Variants in GBP4 observed in about 807,000 individuals in gnomAD.
The protein encoded by GBP4 is guanylate binding protein 4.
GBP4 carries 69 observed loss-of-function variants against 62.2 expected under a neutral mutation model. The observed-to-expected ratio is 1.11, with a 90% CI of 0.91 to 1.36. The LOEUF (loss-of-function observed/expected upper bound fraction) is 1.36, where lower values mean the gene tolerates loss of function less well. GBP4 is among the 40% of genes most tolerant of loss of function. GBP4 has a pLI of 0.00. For synonymous variants in GBP4, 278 were observed against 274.6 expected (o/e 1.01, Z -0.12); for missense variants, 697 against 759.3 (o/e 0.92, Z 0.96).
chr1:89,195,806 T>A (rs543047676), intron 2 of GBP4, among the ~76,000 whole-genome samples: 176 of 150,508 alleles, frequency 1.2e-3, no homozygotes, highest in African/African-American at 3.9e-3. Context: ...AAAAATAATT[T>A]AAAAAAAAAG....
chr1:89,198,691 G>A lies in GBP4; in HGVS notation c.40+104C>T, dbSNP rs139840444. On this transcript the variant is annotated intron_variant, in intron 1 of 10. Transcript: ENST00000355754. Reference sequence around the variant, plus strand: ...TCCACTGCCTTTGTCACCCGCCAGTGTGAAGTCTCCAACCCTCCCCGTGTG... The same window carrying A: ...TCCACTGCCTTTGTCACCCGCCAGTATGAAGTCTCCAACCCTCCCCGTGTG... 2,198 of 985,718 alleles carry A rather than the reference G, an allele frequency of 2.2e-3. 5 individuals are homozygous for A. Among genetic ancestry groups the A allele is most frequent in the Non-Finnish European group, 2.9e-3 (1,750 of 612,652 alleles). The allele number at this position is 985,718 out of a possible 1,614,324, so 61.1% of individuals were successfully genotyped here. A position where few individuals can be genotyped will look rare whatever the true frequency, so the allele number is the denominator to read the frequency against.
At position 89,190,196 on chromosome 1, in the gene GBP4, C is replaced by T. The variant is rs574103174; in HGVS notation, c.1039G>A (p.Asp347Asn). The change falls in exon 7 of 11, where the codon GAC becomes AAC. Residue 347 changes from aspartate to asparagine, a missense_variant. By Grantham distance (23) the Asp-to-Asn change is conservative. Around this residue, in one of 2 missense-constraint regions of GBP4, gnomAD observed 556 missense variants for 562.7 expected, o/e 0.99. Transcript: ENST00000355754. ...ENPAAVQRAA[D>N]HYSQQMAQQL... ...TGGGCCATCTGCTGGCTATAGTGGTCGGCTGCCCTCTGCACAGCCGCTGGG... is the reference window on the plus strand; with the variant it reads ...TGGGCCATCTGCTGGCTATAGTGGTTGGCTGCCCTCTGCACAGCCGCTGGG... 1.8e-4 allele frequency: 293 copies of T among 1,614,120 alleles called. 4 individuals carry two copies. The South Asian group carries it at 2.8e-3, about 15-fold the overall frequency.
rs1252436038 is a variant in GBP4 at position 89,182,167 on chromosome 1, G to C, written c.*3087C>G. The stretch of plus-strand genomic sequence containing the variant: ...ATTACAAGGAGTTCATTCTGTAGCA[G>C]GATGAGCTGCAGACAAAACTTCTCA... On this transcript the variant is annotated 3_prime_UTR_variant, in exon 11 of 11. Coordinates refer to ENST00000355754, the MANE Select transcript of GBP4 (RefSeq NM_052941.5). 2 of 152,178 alleles carry C rather than the reference G, an allele frequency of 1.3e-5. 1 individual carries two copies. The highest frequency in any genetic ancestry group is 1.3e-4 in the Admixed American group (2 of 15,274). 9.4% of individuals were successfully genotyped at this position (152,178 alleles called of 1,614,324 possible). A position where few individuals can be genotyped will look rare whatever the true frequency, so the allele number is the denominator to read the frequency against.
At chr1:89,197,824 A>G (rs1648387938) in intron 1 of GBP4, among the ~76,000 whole-genome samples, 1 of 152,194 alleles carries the variant, frequency 6.6e-6, no homozygotes, top group African/African-American at 2.4e-5. Flanking sequence ...CAAGCAAGGA[A>G]CATAATTGAT....
rs933330249 is a variant in GBP4 at position 89,197,170 on chromosome 1, C to T, written c.175G>A (p.Val59Ile). 1.9e-6 allele frequency: 3 copies of T among 1,614,028 alleles called. No individual in the cohort carries two copies. Among genetic ancestry groups the T allele is most frequent in the African/African-American group, 2.7e-5 (2 of 74,928 alleles). Residue 59 changes from valine to isoleucine, a missense_variant, in exon 2 of 11, where the codon GTA becomes ATA. Val to Ile is a conservative substitution (Grantham distance 29, BLOSUM62 3). Transcript: ENST00000355754. ...GATTTTCCTGTGCGGTATAGCCCTA[C>T]AATGGCCACCACCACCACGGGCTGA... ...ISQPVVVVAI[V>I]GLYRTGKSYL...
At chr1:89,187,735 T>C (rs750359958) in intron 8 of GBP4, among the ~76,000 whole-genome samples, 7 of 152,232 alleles carry the variant, frequency 4.6e-5, no homozygotes, top group Admixed American at 6.5e-5. Context: ...TGTGAAAGCA[T>C]GGTCAACATC....
intron 1 of GBP4, 59 bp downstream of exon 1, chr1:89,198,736 T>G: frequency 2.1e-6 from 3 of 1,433,742 alleles, no homozygotes; most frequent in Non-Finnish European, 3.0e-6. Flanking sequence ...CTTGGGAATT[T>G]GTTGTTGTTT....
chr1:89,185,410 C>G lies in GBP4; in HGVS notation c.1767G>C (p.Glu589Asp). The change falls in exon 11 of 11, where the codon GAG becomes GAC. Residue 589 changes from glutamate (E) to aspartate (D), a missense_variant. Glu to Asp is a conservative substitution (Grantham distance 45). Coordinates refer to ENST00000355754, the MANE Select transcript of GBP4 (RefSeq NM_052941.5). The stretch of plus-strand genomic sequence containing the variant: ...CAATTTTTTCTTTCAGTTGATTAAT[C>G]TCTTTATTTAACTGCTCAGATTTCT... ...FQKKSEQLNK[E>D]INQLKEKIES... is the part of the protein sequence containing the mutation. 6.3e-7 allele frequency: 1 copy of G among 1,583,132 alleles called. No individual in the cohort carries two copies.
rs370922854 is a variant in GBP4, at chr1:89,191,289, C to T, written c.888G>A (p.Leu296=). The stretch of plus-strand genomic sequence containing the variant: ...TTCCAGTGACAATGATTCCCTCTCT[C>T]AGGGTCTTGGTCTTTGCATGGGTGA... The part of the protein sequence containing the change: ...YIFTHAKTKT[L]REGIIVTGKR... Residue 296 remains leucine, a synonymous_variant, in exon 6 of 11, where the codon CTG becomes CTA. Transcript: ENST00000355754. 2.9e-5 allele frequency: 46 copies of T among 1,613,594 alleles called. No individual in the cohort carries two copies. Among genetic ancestry groups the T allele is most frequent in the African/African-American group, 4.0e-5 (3 of 74,906 alleles).
intron 7 of GBP4, 134 bp from the exon 8 acceptor site, chr1:89,188,928 A>T (rs1451755022): frequency 3.2e-6 from 3 of 925,560 alleles, no homozygotes; most frequent in Non-Finnish European, 4.9e-6. Context: ...AGTCACAAGA[A>T]TGATTTTGTT....
At position 89,188,713 on chromosome 1, in the gene GBP4, G is replaced by A. The variant is rs750852631; in HGVS notation, c.1279C>T (p.Arg427Trp). 14 of 1,614,214 alleles carry A rather than the reference G, an allele frequency of 8.7e-6. No homozygotes were observed. In the South Asian group the frequency reaches 8.8e-5, roughly 10 times the overall value. ...SAKYCQAELKRLSEHLTESIL... is the reference protein window; with the variant it reads ...SAKYCQAELKWLSEHLTESIL... ...CTTTCTGTCAGGTGCTCTGAAAGCC[G>A]CTTAAGCTCAGCCTGGCAATATTTG... is the stretch of plus-strand genomic sequence containing the variant. Residue 427 changes from arginine (R) to tryptophan (W), a missense_variant, in exon 8 of 11, where the codon CGG becomes TGG. Coordinates refer to ENST00000355754, the MANE Select transcript of GBP4 (RefSeq NM_052941.5).
At chr1:89,189,954 G>A (rs1648135620) in intron 7 of GBP4, 84 bp downstream of exon 7, 6 of 1,316,744 alleles carry the variant, frequency 4.6e-6, no homozygotes, top group Non-Finnish European at 6.4e-6. Context: ...CAGTGGTAAG[G>A]AGATGAACCA....
rs142144334 is a variant in GBP4 at position 89,186,854 on chromosome 1, T to C, written c.1513+146A>G. 1.1e-3 allele frequency: 815 copies of C among 726,876 alleles called. 4 individuals carry two copies. The African/African-American group carries it at 0.013, about 11-fold the overall frequency. 45.0% of individuals were successfully genotyped at this position (726,876 alleles called of 1,614,324 possible). On this transcript the variant is annotated intron_variant, in intron 9 of 10. Transcript: ENST00000355754. ...TTAACTATAGTCGCTGTGCTGTACA[T>C]TTGGTATCCAGAACTTATTAATATT... is the stretch of plus-strand genomic sequence containing the variant.
rs1260789415 is a variant in GBP4 at position 89,182,382 on chromosome 1, G to A, written c.*2872C>T. On this transcript the variant is annotated 3_prime_UTR_variant, in exon 11 of 11. Transcript: ENST00000355754. ...TACATGACAGGGGCTGCATGCACTG[G>A]TGGTCAGAGAGAAACAGAACAAGGC... 6.6e-6 allele frequency: 1 copy of A among 152,178 alleles called. No homozygotes were observed. Among genetic ancestry groups the A allele is most frequent in the African/African-American group, 2.4e-5 (1 of 41,436 alleles). The allele number at this position is 152,178 out of a possible 1,614,324, so 9.4% of individuals were successfully genotyped here.
chr1:89,193,091 A>C lies in GBP4; in HGVS notation c.483T>G (p.Thr161=), dbSNP rs1648232893. ...HQALEQLHYV[T]ELAELIRAKS... ...TTGCCCTGATTAGCTCTGCTAGCTC[A>C]GTCACATAGCTGGGATCTCAGCTAA... Residue 161 remains threonine, a synonymous_variant, in exon 5 of 11, where the codon ACT becomes ACG. Coordinates refer to ENST00000355754, the MANE Select transcript of GBP4 (RefSeq NM_052941.5). The C allele has an allele frequency of 1.2e-6, 2 of 1,613,906 alleles. No homozygotes were observed. Among genetic ancestry groups the C allele is most frequent in the Admixed American group, 1.7e-5 (1 of 59,990 alleles).
Position 89,195,373 on chromosome 1 carries a change from C to T in GBP4, c.287G>A (p.Trp96Ter), listed in dbSNP as rs774636633. The change falls in exon 3 of 11, where the codon TGG becomes TAG. Residue 96 changes from tryptophan to a stop codon, truncating the protein, a stop_gained. Coordinates refer to ENST00000355754, the MANE Select transcript of GBP4 (RefSeq NM_052941.5). LOFTEE classifies it high-confidence loss of function. ...VQSETKGIWM[W>*]CVPHLSKPNH... ...TGGCTTAGAGAGGTGGGGCACACAC[C>T]ACATCCAGATGCCCTTAGTTTCAGA... The T allele has an allele frequency of 6.2e-7, 1 of 1,614,014 alleles. No individual in the cohort carries two copies. Among genetic ancestry groups the T allele is most frequent in the Non-Finnish European group, 8.5e-7 (1 of 1,179,932 alleles).
At chr1:89,197,404 G>A in intron 1 of GBP4, 100 bp from the exon 2 acceptor site, 3 of 845,604 alleles carry the variant, frequency 3.5e-6, no homozygotes, top group Non-Finnish European at 5.3e-6. Context: ...CTTGTGGAAT[G>A]GTATATAAAA....
In GBP4 at chr1:89,186,509, C is replaced by T. The variant is rs775161494; in HGVS notation, c.1531G>A (p.Glu511Lys). Residue 511 changes from glutamate to lysine, a missense_variant, in exon 10 of 11, where the codon GAA becomes AAA. By Grantham distance (56) the Glu-to-Lys change is moderately conservative. Transcript: ENST00000355754. ...AGCTCCTGTTCCTTCTCAGCTGCTT[C>T]CTTCATGGCCCGCTCCGCTATTCCA... is the stretch of plus-strand genomic sequence containing the variant. ...KAIAAERAMK[E>K]AAEKEQELLR... The T allele has an allele frequency of 1.2e-6, 2 of 1,613,894 alleles. No individual in the cohort carries two copies. The highest frequency in any genetic ancestry group is 1.3e-5 in the African/African-American group (1 of 74,904).
chr1:89,186,673 G>A (rs1648046127), intron 9 of GBP4, 147 bp from the exon 10 acceptor site: 1 of 787,710 alleles, frequency 1.3e-6, no homozygotes, highest in Non-Finnish European at 2.0e-6. Flanking sequence ...ATGTCTGGAA[G>A]AGAATGTTGA....
Sources: allele counts gnomAD v4.1 joint callset (sites outside exome capture counted in the v4.1 genomes callset), GRCh38; gene constraint gnomAD v4.1.1; regional missense constraint gnomAD v4.1.1; transcripts MANE v1.5; gene names NCBI Gene and HGNC (gene_info 2026-07-23, HGNC 2026-07-21).